NRXN3: variants seen among roughly 807,000 people sequenced by gnomAD.
NRXN3 encodes the protein neurexin III.
NRXN3 carries 32 observed loss-of-function variants against 137.6 expected under a neutral mutation model. The ratio of observed to expected loss-of-function variants is 0.23; its 90% CI spans 0.18 to 0.31. The LOEUF (loss-of-function observed/expected upper bound fraction) is 0.31. Among genes scored for constraint, NRXN3 ranks in the 10% least tolerant of loss-of-function variants. NRXN3 has a pLI of 1.00. For missense variants in NRXN3, 1,574 were observed against 2,062.5 expected (o/e 0.76, Z 4.59); for synonymous variants, 798 against 784.5 (o/e 1.02, Z -0.29).
chr14:79,652,482 CT>C (rs1165224150), intron 16 of NRXN3, among the ~76,000 whole-genome samples: 1 of 152,166 alleles, frequency 6.6e-6, no homozygotes, highest in East Asian at 1.9e-4. Flanking sequence ...TGACCTCATG[CT>C]GTTCCAGGGA....
intron 6 of NRXN3, among the ~76,000 whole-genome samples, chr14:78,693,656 C>CGT (rs4016744): frequency 0.054 from 6,128 of 113,836 alleles, 193 homozygotes; most frequent in East Asian, 0.1. Flanking sequence ...AGTTGATTTT[C>CGT]GTGTGTGTGT....
intron 8 of NRXN3, among the ~76,000 whole-genome samples, chr14:78,787,412 T>C (rs1353291637): frequency 6.6e-6 from 1 of 152,084 alleles, no homozygotes; most frequent in Non-Finnish European, 1.5e-5. Flanking sequence ...GACAACAAAA[T>C]CAAGAGTTCA....
At chr14:79,558,965 A>G (rs2097460227) in intron 16 of NRXN3, among the ~76,000 whole-genome samples, 1 of 152,138 alleles carries the variant, frequency 6.6e-6, no homozygotes, top group Non-Finnish European at 1.5e-5. Context: ...AACCTCATGA[A>G]CAAACTTCTG....
rs1041464646 is a variant in NRXN3 at position 79,726,723 on chromosome 14, A to G, written c.4014+28786A>G. 4.3e-4 allele frequency among the ~76,000 whole-genome samples: 65 copies of G among 152,200 alleles called. 2 individuals carry two copies. Among genetic ancestry groups the G allele is most frequent in the Non-Finnish European group, 6.9e-4 (47 of 68,034 alleles). ...GATGTAGCTTACAAAATATGCTGAAAGACCACTGGCATAAAAGCCTTTTAA... is the reference window on the plus strand; with the variant it reads ...GATGTAGCTTACAAAATATGCTGAAGGACCACTGGCATAAAAGCCTTTTAA... On this transcript the variant is annotated intron_variant, in intron 19 of 20. Transcript: ENST00000335750.
At chr14:78,514,977 G>A (rs1265792237) in intron 4 of NRXN3, among the ~76,000 whole-genome samples, 1 of 152,140 alleles carries the variant, frequency 6.6e-6, no homozygotes. Flanking sequence ...TCATTGCTCT[G>A]TAGTGCACTT....
At chr14:79,692,027 A>C (rs867813314) in intron 17 of NRXN3, 146 bp from the exon 18 acceptor site, 9 of 590,132 alleles carry the variant, frequency 1.5e-5, no homozygotes, top group Admixed American at 3.3e-5. Flanking sequence ...GACCAAGGGC[A>C]GAGTGACTTC....
intron 4 of NRXN3, among the ~76,000 whole-genome samples, chr14:78,425,301 G>A (rs534869659): frequency 1.3e-5 from 2 of 152,314 alleles, no homozygotes; most frequent in East Asian, 1.9e-4. Context: ...AAGGCACTTG[G>A]TACATAGTTA....
intron 19 of NRXN3, among the ~76,000 whole-genome samples, chr14:79,712,639 G>A (rs572250097): frequency 7.2e-5 from 11 of 152,152 alleles, no homozygotes; most frequent in African/African-American, 2.4e-4. Context: ...TCGTTATCTC[G>A]TTAGCTTATT....
At chr14:79,251,334 G>C (rs139339674) in intron 15 of NRXN3, among the ~76,000 whole-genome samples, 1 of 152,282 alleles carries the variant, frequency 6.6e-6, no homozygotes, top group African/African-American at 2.4e-5. Flanking sequence ...AACAGGGGCC[G>C]AGCTGAATGA....
At position 78,638,036 on chromosome 14, in the gene NRXN3, G is replaced by A. The variant is rs572744096; in HGVS notation, c.758-7084G>A. ...ATTTCAGTGAAGCGTGGTTTTCCAGGCCATTCTTCTGTGGACGGAGGCAGC... is the reference window on the plus strand; with the variant it reads ...ATTTCAGTGAAGCGTGGTTTTCCAGACCATTCTTCTGTGGACGGAGGCAGC... On this transcript the variant is annotated intron_variant, in intron 4 of 20. Transcript: ENST00000335750. Among the ~76,000 whole-genome samples, 53 of 152,272 alleles carry A rather than the reference G, an allele frequency of 3.5e-4. 1 individual carries two copies. The highest frequency in any genetic ancestry group is 8.7e-4 in the African/African-American group (36 of 41,562).
At chr14:79,194,988 T>C (rs778532092) in intron 15 of NRXN3, among the ~76,000 whole-genome samples, 2 of 152,192 alleles carry the variant, frequency 1.3e-5, no homozygotes, top group Non-Finnish European at 2.9e-5. Flanking sequence ...ATTTCTTCTC[T>C]GTTTTCCACA....
intron 15 of NRXN3, among the ~76,000 whole-genome samples, chr14:79,430,310 T>G (rs1048372230): frequency 6.6e-6 from 1 of 152,212 alleles, no homozygotes; most frequent in Non-Finnish European, 1.5e-5. Flanking sequence ...CTGGAGTCTA[T>G]ATCAGGTACC....
At chr14:79,124,814 G>A (rs960656671) in intron 15 of NRXN3, among the ~76,000 whole-genome samples, 1 of 152,102 alleles carries the variant, frequency 6.6e-6, no homozygotes, top group African/African-American at 2.4e-5. Context: ...AAGTTTATAA[G>A]CATGTGAAAA....
chr14:78,341,182 GT>G (rs1452902371), intron 4 of NRXN3, among the ~76,000 whole-genome samples: 1 of 152,152 alleles, frequency 6.6e-6, no homozygotes, highest in Non-Finnish European at 1.5e-5. Flanking sequence ...ATAAGTGGGT[GT>G]TTTGGGGGGA....
intron 8 of NRXN3, among the ~76,000 whole-genome samples, chr14:78,766,621 A>T (rs1011697993): frequency 6.6e-6 from 1 of 152,318 alleles, no homozygotes; most frequent in East Asian, 1.9e-4. Flanking sequence ...TTCGGATTCC[A>T]TGCCTCACCT....
intron 15 of NRXN3, among the ~76,000 whole-genome samples, chr14:79,302,031 T>G (rs2085226521): frequency 1.3e-5 from 2 of 152,038 alleles, no homozygotes; most frequent in Non-Finnish European, 2.9e-5. Context: ...CCTTTTCTTC[T>G]GACAATCAAA....
chr14:78,605,972 G>T (rs1185180458), intron 4 of NRXN3, among the ~76,000 whole-genome samples: 1 of 152,086 alleles, frequency 6.6e-6, no homozygotes, highest in Non-Finnish European at 1.5e-5. Context: ...CTTAGGATTA[G>T]CAGAATGACA....
chr14:79,064,917 A>C (rs1329355093), intron 15 of NRXN3, among the ~76,000 whole-genome samples: 1 of 151,044 alleles, frequency 6.6e-6, no homozygotes, highest in Admixed American at 6.6e-5. Flanking sequence ...TAAATTATAA[A>C]AGTAACATAT....
intron 4 of NRXN3, among the ~76,000 whole-genome samples, chr14:78,350,289 CAAA>C (rs35583372): frequency 7.3e-6 from 1 of 137,338 alleles, no homozygotes; most frequent in Non-Finnish European, 1.6e-5. Flanking sequence ...AACTTCATCT[CAAA>C]AAAAAAAAAA....
Sources: allele counts gnomAD v4.1 joint callset (sites outside exome capture counted in the v4.1 genomes callset), GRCh38; gene constraint gnomAD v4.1.1; transcripts MANE v1.5; gene names NCBI Gene and HGNC (gene_info 2026-07-23, HGNC 2026-07-21).